The following EPHX1 variants were observed in gnomAD, a reference collection of about 807,000 sequenced individuals.
EPHX1 encodes epoxide hydratase.
EPHX1 carries 40 observed loss-of-function variants against 43.2 expected under a neutral mutation model. That is an observed-to-expected ratio of 0.93 (90% confidence interval 0.72 to 1.21). EPHX1 has a LOEUF of 1.21. EPHX1 is among the 50% of genes most tolerant of loss of function. The pLI is 0.00. For synonymous variants in EPHX1, 221 were observed against 226.7 expected (o/e 0.98, Z 0.22); for missense variants, 550 against 570.4 (o/e 0.96, Z 0.36).
rs369982089 is a variant in EPHX1 at position 225,845,302 on chromosome 1, C to T, written c.1323C>T (p.Leu441=). The T allele has an allele frequency of 6.3e-5, 101 of 1,612,494 alleles. No homozygotes were observed. The Middle Eastern group carries it at 1.5e-3, about 23-fold the overall frequency. Residue 441 remains leucine (L), a synonymous_variant, in exon 9 of 9, where the codon CTC becomes CTT. Transcript: ENST00000272167. ...CGGCCTTTGAGGAGCCGGAGCTGCT[C>T]GCCCAGGACATCCGCAAGTTCCTGT... is the stretch of plus-strand genomic sequence containing the variant. ...HFAAFEEPEL[L]AQDIRKFLSV... is the part of the protein sequence containing the mutation.
chr1:225,838,608 A>G, intron 3 of EPHX1, 46 bp from the exon 4 acceptor site: 1 of 1,556,434 alleles, frequency 6.4e-7, no homozygotes, highest in Middle Eastern at 1.7e-4. Context: ...CTGACCGTGC[A>G]GGGTCTTCTC....
At chr1:225,844,779 T>A (rs1157876591) in intron 8 of EPHX1, among the ~76,000 whole-genome samples, 156 bp downstream of exon 8, 9 of 151,746 alleles carry the variant, frequency 5.9e-5, no homozygotes, top group Non-Finnish European at 1.3e-4. Context: ...AAGGTCGAGG[T>A]GTTTGGAGAA....
intron 1 of EPHX1, among the ~76,000 whole-genome samples, chr1:225,816,091 A>ACCAGC (rs1559015335): frequency 6.6e-6 from 1 of 152,144 alleles, no homozygotes; most frequent in Non-Finnish European, 1.5e-5. Flanking sequence ...GGAGTTTGAG[A>ACCAGC]CCAGCCTGGC....
At chr1:225,839,037 C>G (rs1668147646) in intron 4 of EPHX1, among the ~76,000 whole-genome samples, 156 bp downstream of exon 4, 1 of 152,212 alleles carries the variant, frequency 6.6e-6, no homozygotes, top group Admixed American at 6.5e-5. Context: ...ACACACCGCC[C>G]TCCGGGGCTG....
At chr1:225,815,621 CT>C (rs974363006) in intron 1 of EPHX1, among the ~76,000 whole-genome samples, 1 of 152,116 alleles carries the variant, frequency 6.6e-6, no homozygotes, top group Non-Finnish European at 1.5e-5. Flanking sequence ...TATTTTTAGT[CT>C]TTTGGGACTT....
intron 1 of EPHX1, among the ~76,000 whole-genome samples, chr1:225,823,200 CTTT>C (rs11331330): frequency 8.1e-5 from 12 of 148,186 alleles, no homozygotes; most frequent in South Asian, 2.1e-4. Context: ...CCCTTTATTA[CTTT>C]TTTTTTTTTT....
chr1:225,835,770 A>G (rs1341804483), intron 3 of EPHX1, among the ~76,000 whole-genome samples: 1 of 150,622 alleles, frequency 6.6e-6, no homozygotes, highest in African/African-American at 2.4e-5. Flanking sequence ...CTGATCGCAA[A>G]CTCCTGGGCT....
intron 3 of EPHX1, among the ~76,000 whole-genome samples, chr1:225,834,045 C>T (rs1309074509): frequency 6.9e-6 from 1 of 145,806 alleles, no homozygotes; most frequent in Non-Finnish European, 1.5e-5. Context: ...TTGCAGTGAG[C>T]CCAGATTGCG....
rs1668270039 is a variant in EPHX1, at chr1:225,840,049, CAG to C, written c.931+13_931+14del. On this transcript the variant is annotated intron_variant, in intron 6 of 8. Transcript: ENST00000272167. ...GCCTGACACCGTAGGTGAGTGTGCTCAGGGGTCCTCGCCCACTGCCGGCTCCA... is the reference window on the plus strand; with the variant it reads ...GCCTGACACCGTAGGTGAGTGTGCTCGGGTCCTCGCCCACTGCCGGCTCCA... 1.9e-6 allele frequency: 3 copies of C among 1,613,344 alleles called. No individual in the cohort carries two copies. The highest frequency in any genetic ancestry group is 1.7e-6 in the Non-Finnish European group (2 of 1,179,808).
At chr1:225,828,277 A>G (rs1023337032) in intron 1 of EPHX1, among the ~76,000 whole-genome samples, 1 of 151,702 alleles carries the variant, frequency 6.6e-6, no homozygotes, top group Non-Finnish European at 1.5e-5. Context: ...CTGGGAGGCA[A>G]AGGTTGCAAT....
Position 225,839,082 on chromosome 1 carries a change from C to T in EPHX1, c.593-135C>T, listed in dbSNP as rs1374985329. On this transcript the variant is annotated intron_variant, in intron 4 of 8. Coordinates refer to ENST00000272167, the MANE Select transcript of EPHX1 (RefSeq NM_001136018.4). The stretch of plus-strand genomic sequence containing the variant: ...CCCCTATATTTGGGCTCCAGGATTC[C>T]TTCTTGCCTCTGTGAGCTTTTCTGA... 5 of 1,473,272 alleles carry T rather than the reference C, an allele frequency of 3.4e-6. No individual in the cohort carries two copies. In the African/African-American group the frequency reaches 5.6e-5, roughly 16 times the overall value. 91.3% of individuals were successfully genotyped at this position (1,473,272 alleles called of 1,614,324 possible).
chr1:225,837,888 A>G (rs1224809316), intron 3 of EPHX1, among the ~76,000 whole-genome samples: 2 of 152,192 alleles, frequency 1.3e-5, no homozygotes, highest in African/African-American at 4.8e-5. Context: ...GTCAATGTGT[A>G]TGAAAAAAAT....
intron 5 of EPHX1, 45 bp from the exon 6 acceptor site, chr1:225,839,784 T>G: frequency 6.3e-7 from 1 of 1,597,978 alleles, no homozygotes; most frequent in Non-Finnish European, 8.6e-7. Flanking sequence ...CTCCCTGTCC[T>G]TGACACCAGC....
chr1:225,841,599 G>A (rs1305948256), intron 6 of EPHX1, among the ~76,000 whole-genome samples: 2 of 115,474 alleles, frequency 1.7e-5, no homozygotes, highest in East Asian at 5.5e-4. Context: ...CACTGTCCCA[G>A]CCTTTTTTTT....
intron 2 of EPHX1, 94 bp from the exon 3 acceptor site, chr1:225,831,685 C>A: frequency 7.8e-7 from 1 of 1,287,732 alleles, no homozygotes; most frequent in Non-Finnish European, 1.1e-6. Context: ...TATCTTGTGG[C>A]TGCAGGGTTT....
intron 1 of EPHX1, among the ~76,000 whole-genome samples, chr1:225,826,101 G>C (rs2102707057): frequency 6.6e-6 from 1 of 152,266 alleles, no homozygotes; most frequent in East Asian, 1.9e-4. Flanking sequence ...TGTGGTCCCA[G>C]CTGCCCATCT....
chr1:225,822,960 G>A (rs557725005), intron 1 of EPHX1, among the ~76,000 whole-genome samples: 2 of 152,292 alleles, frequency 1.3e-5, no homozygotes, highest in African/African-American at 4.8e-5. Flanking sequence ...AACAAGAACA[G>A]GGGCTCCTCT....
intron 1 of EPHX1, among the ~76,000 whole-genome samples, chr1:225,814,422 G>C (rs998686625): frequency 6.6e-6 from 1 of 152,234 alleles, no homozygotes; most frequent in Non-Finnish European, 1.5e-5. Flanking sequence ...TAGTATGGGA[G>C]ATGGTGTGTT....
intron 1 of EPHX1, among the ~76,000 whole-genome samples, chr1:225,826,446 T>TAAAAAAA (rs1667240103): frequency 7.0e-5 from 1 of 14,376 alleles, no homozygotes; most frequent in African/African-American, 1.9e-4. Flanking sequence ...AGACTCTGTC[T>TAAAAAAA]CAAAAAAAAA....
Sources: gnomAD v4.1 joint callset for allele counts (sites outside exome capture counted in the v4.1 genomes callset) on GRCh38, gnomAD v4.1.1 for gene constraint, MANE v1.5 for transcripts, NCBI Gene and HGNC (gene_info 2026-07-23, HGNC 2026-07-21) for gene names.